PLCB1: variants seen among roughly 807,000 people sequenced by gnomAD.
PLCB1 encodes 1-phosphatidylinositol 4,5-bisphosphate phosphodiesterase beta-1.
A neutral mutation model predicts 161.8 loss-of-function variants in PLCB1; 46 were observed. That is an observed-to-expected ratio of 0.28 (90% CI 0.22 to 0.36). The LOEUF is 0.36. Ranked by LOEUF, PLCB1 falls within the 10% of genes least tolerant of loss-of-function variation. The probability of loss-of-function intolerance (pLI) is 1.00; values close to 1 mark genes in which losing one functional copy is unlikely to be tolerated. For missense variants in PLCB1, 1,016 were observed against 1,472.5 expected (o/e 0.69, Z 5.07); for synonymous variants, 517 against 503.7 (o/e 1.03, Z -0.35).
intron 2 of PLCB1, 39 bp downstream of exon 2, chr20:8,150,410 G>A (rs561085827): frequency 3.8e-5 from 34 of 897,914 alleles, no homozygotes; most frequent in Admixed American, 1.4e-4. Flanking sequence ...TTTTTCAGTC[G>A]TTTACTACTT....
chr20:8,583,246 T>G (rs184796225), intron 3 of PLCB1, among the ~76,000 whole-genome samples: 1 of 152,164 alleles, frequency 6.6e-6, no homozygotes, highest in East Asian at 1.9e-4. Context: ...GTGTCTATTA[T>G]GCAGAGTGAA....
chr20:8,651,027 T>C (rs906269226), intron 7 of PLCB1, among the ~76,000 whole-genome samples: 1 of 152,234 alleles, frequency 6.6e-6, no homozygotes, highest in Non-Finnish European at 1.5e-5. Context: ...GATTCATTTC[T>C]ACATGACTGG....
intron 2 of PLCB1, among the ~76,000 whole-genome samples, chr20:8,236,763 C>T (rs1980349587): frequency 6.6e-6 from 1 of 151,960 alleles, no homozygotes; most frequent in Admixed American, 6.6e-5. Context: ...AATCCTTATT[C>T]TGTACTAGCC....
chr20:8,480,488 A>G (rs1176419757), intron 3 of PLCB1, among the ~76,000 whole-genome samples: 1 of 151,934 alleles, frequency 6.6e-6, no homozygotes. Flanking sequence ...GTTCTCTCCA[A>G]TCTGCCTGCA....
chr20:8,257,395 A>G (rs1486830542), intron 2 of PLCB1, among the ~76,000 whole-genome samples: 1 of 152,176 alleles, frequency 6.6e-6, no homozygotes, highest in African/African-American at 2.4e-5. Context: ...ATAATTTTAT[A>G]AGAAAAAAAT....
At chr20:8,278,968 C>A (rs1392424732) in intron 2 of PLCB1, among the ~76,000 whole-genome samples, 1 of 116,786 alleles carries the variant, frequency 8.6e-6, no homozygotes, top group African/African-American at 4.4e-5. Context: ...CACGACTATA[C>A]AGTGTTTTTT....
chr20:8,711,779 G>A (rs1395080681), intron 12 of PLCB1, among the ~76,000 whole-genome samples: 1 of 151,594 alleles, frequency 6.6e-6, no homozygotes, highest in African/African-American at 2.4e-5. Flanking sequence ...TCTAGTTCCT[G>A]AGCCCATGGT....
chr20:8,380,543 G>A (rs545929644), intron 3 of PLCB1, among the ~76,000 whole-genome samples: 2 of 152,228 alleles, frequency 1.3e-5, no homozygotes, highest in East Asian at 1.9e-4. Flanking sequence ...TGGGCAGTAC[G>A]GACATTTTCA....
At chr20:8,491,646 T>C (rs1982951625) in intron 3 of PLCB1, among the ~76,000 whole-genome samples, 1 of 152,212 alleles carries the variant, frequency 6.6e-6, no homozygotes, top group Non-Finnish European at 1.5e-5. Flanking sequence ...ACTGGGATCC[T>C]GTACAGATCT....
intron 2 of PLCB1, among the ~76,000 whole-genome samples, chr20:8,351,553 A>G (rs1283397532): frequency 6.6e-6 from 1 of 152,074 alleles, no homozygotes; most frequent in Non-Finnish European, 1.5e-5. Flanking sequence ...TGAAAGGAAA[A>G]GACATAGACT....
intron 3 of PLCB1, among the ~76,000 whole-genome samples, chr20:8,419,416 GT>G (rs1568668855): frequency 6.6e-6 from 1 of 151,948 alleles, no homozygotes; most frequent in East Asian, 1.9e-4. Context: ...AATGGTTTGT[GT>G]TATGATTTTT....
chr20:8,724,597 A>G, intron 15 of PLCB1, 59 bp from the exon 16 acceptor site: 1 of 954,258 alleles, frequency 1.0e-6, no homozygotes. Flanking sequence ...TTCCTGGGAA[A>G]ATAACTGATA....
chr20:8,268,348 T>A (rs918349519), intron 2 of PLCB1, among the ~76,000 whole-genome samples: 2 of 152,210 alleles, frequency 1.3e-5, no homozygotes, highest in African/African-American at 4.8e-5. Flanking sequence ...TGCCACATTT[T>A]CTTAATCCAG....
At chr20:8,567,654 T>G (rs1027168742) in intron 3 of PLCB1, among the ~76,000 whole-genome samples, 7 of 152,238 alleles carry the variant, frequency 4.6e-5, no homozygotes, top group African/African-American at 7.2e-5. Flanking sequence ...AGTCGAAACT[T>G]CATTGCTGAT....
chr20:8,239,376 G>T (rs767811932), intron 2 of PLCB1, among the ~76,000 whole-genome samples: 20 of 151,986 alleles, frequency 1.3e-4, no homozygotes, highest in Non-Finnish European at 2.8e-4. Context: ...CTTAGGCAAG[G>T]CAGTGCTAAC....
chr20:8,595,044 T>G (rs1173534030), intron 3 of PLCB1, among the ~76,000 whole-genome samples: 2 of 152,224 alleles, frequency 1.3e-5, no homozygotes, highest in Non-Finnish European at 2.9e-5. Context: ...GCATCTTAGG[T>G]GTAATACAAA....
At chr20:8,291,983 C>G (rs1983404042) in intron 2 of PLCB1, among the ~76,000 whole-genome samples, 1 of 152,086 alleles carries the variant, frequency 6.6e-6, no homozygotes, top group Non-Finnish European at 1.5e-5. Context: ...GAATGTTGCC[C>G]AGGCTCTGTT....
At chr20:8,669,584 C>G (rs1989895894) in intron 9 of PLCB1, among the ~76,000 whole-genome samples, 2 of 152,118 alleles carry the variant, frequency 1.3e-5, no homozygotes, top group Admixed American at 1.3e-4. Flanking sequence ...CTGTGTCAAC[C>G]CTTGAGTAAG....
intron 3 of PLCB1, among the ~76,000 whole-genome samples, chr20:8,566,998 T>A (rs973122271): frequency 2.6e-5 from 4 of 152,178 alleles, no homozygotes; most frequent in African/African-American, 9.7e-5. Flanking sequence ...GAAGGAAATA[T>A]AACAGAACTC....
Sources: allele counts gnomAD v4.1 joint callset (sites outside exome capture counted in the v4.1 genomes callset), GRCh38; gene constraint gnomAD v4.1.1; transcripts MANE v1.5; gene names NCBI Gene and HGNC (gene_info 2026-07-23, HGNC 2026-07-21).